Variants in MAPK10 observed in about 807,000 individuals in gnomAD.
The protein encoded by MAPK10 is mitogen-activated protein kinase 10.
MAPK10 carries 25 observed loss-of-function variants against 59.3 expected under a neutral mutation model. The ratio of observed to expected loss-of-function variants is 0.42; its 90% CI spans 0.31 to 0.59. MAPK10 has a LOEUF of 0.59. Ranked by LOEUF, MAPK10 falls within the 20% of genes least tolerant of loss-of-function variation. The pLI is 0.15. For missense variants in MAPK10, 351 were observed against 568.9 expected (o/e 0.62, Z 3.90); for synonymous variants, 190 against 200.5 (o/e 0.95, Z 0.44).
In MAPK10 at chr4:86,586,693, C is replaced by G. The variant is rs566723004; in HGVS notation, c.-263+7217G>C. ...GGGAAATGTTTTGGTTCGGGTAGAG[C>G]CTTGAAGCACCTGGAAAATCAAGTA... On this transcript the variant is annotated intron_variant, in intron 1 of 4. Coordinates refer to the MAPK10 transcript ENST00000502302. Among the ~76,000 whole-genome samples, 7 of 152,250 alleles carry G rather than the reference C, an allele frequency of 4.6e-5. No homozygotes were observed. In the South Asian group the frequency reaches 1.5e-3, roughly 32 times the overall value.
At chr4:86,018,493 G>A (rs1186444392) in intron 13 of MAPK10, among the ~76,000 whole-genome samples, 1 of 152,140 alleles carries the variant, frequency 6.6e-6, no homozygotes, top group Non-Finnish European at 1.5e-5. Flanking sequence ...TTGTTTATCT[G>A]TTATGCGGGA....
intron 1 of MAPK10, among the ~76,000 whole-genome samples, chr4:86,478,164 T>C (rs1170420872): frequency 1.3e-5 from 2 of 152,164 alleles, no homozygotes; most frequent in Non-Finnish European, 2.9e-5. Flanking sequence ...GGTTTTGCCA[T>C]AACAAAACCA....
intron 2 of MAPK10, among the ~76,000 whole-genome samples, chr4:86,210,514 C>T (rs183538021): frequency 0.011 from 1,605 of 151,918 alleles, 11 homozygotes; most frequent in Middle Eastern, 0.034. Context: ...TTTATAATTG[C>T]TTTATTTGTA....
chr4:86,126,501 T>C (rs1175675927), intron 4 of MAPK10, among the ~76,000 whole-genome samples: 2 of 152,072 alleles, frequency 1.3e-5, no homozygotes, highest in Admixed American at 6.6e-5. Context: ...CAAATGTTTA[T>C]TTCCAAAGCT....
intron 1 of MAPK10, among the ~76,000 whole-genome samples, chr4:86,460,471 T>C (rs1445916667): frequency 6.6e-6 from 1 of 152,124 alleles, no homozygotes; most frequent in Non-Finnish European, 1.5e-5. Context: ...ACCCGTCACA[T>C]GTAAAAATCA....
At chr4:86,264,888 C>CTTTTTTTTTTTT (rs397879051) in intron 2 of MAPK10, among the ~76,000 whole-genome samples, 4 of 95,274 alleles carry the variant, frequency 4.2e-5, no homozygotes, top group Non-Finnish European at 8.5e-5. Flanking sequence ...TGGCCCTGGA[C>CTTTTTTTTTTTT]TTTTTTTTTT....
intron 2 of MAPK10, among the ~76,000 whole-genome samples, chr4:86,297,421 T>C (rs1053919890): frequency 6.6e-6 from 1 of 152,146 alleles, no homozygotes; most frequent in African/African-American, 2.4e-5. Context: ...GCGATTCTCC[T>C]GCCTCAGCCT....
intron 11 of MAPK10, among the ~76,000 whole-genome samples, chr4:86,045,528 T>C (rs557775413): frequency 6.6e-6 from 1 of 152,198 alleles, no homozygotes; most frequent in African/African-American, 2.4e-5. Flanking sequence ...TCTATCCTCC[T>C]GCCTTCTAGC....
At chr4:86,460,927 G>C (rs1047705720) in intron 1 of MAPK10, among the ~76,000 whole-genome samples, 2 of 152,164 alleles carry the variant, frequency 1.3e-5, no homozygotes, top group African/African-American at 4.8e-5. Context: ...TCTGAAGGCT[G>C]TGAGACCCCT....
chr4:86,547,048 T>C (rs1759246133), intron 1 of MAPK10, among the ~76,000 whole-genome samples: 3 of 152,070 alleles, frequency 2.0e-5, no homozygotes, highest in Admixed American at 6.5e-5. Context: ...CGAGACTCCG[T>C]CTAAAAACAA....
At chr4:86,452,458 T>C (rs1750825618) in intron 1 of MAPK10, among the ~76,000 whole-genome samples, 1 of 152,114 alleles carries the variant, frequency 6.6e-6, no homozygotes, top group Non-Finnish European at 1.5e-5. Context: ...TCTCTCCCTC[T>C]TCCTTTTCTT....
chr4:86,537,960 A>T (rs1758373364), intron 1 of MAPK10, among the ~76,000 whole-genome samples: 1 of 152,074 alleles, frequency 6.6e-6, no homozygotes, highest in Admixed American at 6.5e-5. Flanking sequence ...TATCTTTCAC[A>T]GTTTAGTCTT....
intron 3 of MAPK10, among the ~76,000 whole-genome samples, chr4:86,186,225 T>C (rs1272008603): frequency 1.3e-5 from 2 of 152,086 alleles, no homozygotes; most frequent in African/African-American, 4.8e-5. Context: ...AGAGATCAAG[T>C]AACTTGCCCA....
At chr4:86,389,556 G>C (rs1362112776) in intron 1 of MAPK10, among the ~76,000 whole-genome samples, 1 of 152,144 alleles carries the variant, frequency 6.6e-6, no homozygotes, top group Non-Finnish European at 1.5e-5. Context: ...TTTACTGACT[G>C]TTACTGTGAT....
rs1580380953 is a variant in MAPK10, at chr4:86,108,328, C to T, written c.237-976G>A. On this transcript the variant is annotated intron_variant, in intron 4 of 13. Coordinates refer to ENST00000641462, the MANE Select transcript of MAPK10 (RefSeq NM_138982.4). ...TTGCCATTATACCTAATGATGCACT[C>T]ACAAAATATGTGACCCATCCCTGAA... 2.6e-5 allele frequency among the ~76,000 whole-genome samples: 4 copies of T among 152,108 alleles called. No individual in the cohort carries two copies. The South Asian group carries it at 8.3e-4, about 32-fold the overall frequency.
At chr4:86,068,584 A>C (rs1309858667) in intron 9 of MAPK10, among the ~76,000 whole-genome samples, 1 of 152,170 alleles carries the variant, frequency 6.6e-6, no homozygotes, top group African/African-American at 2.4e-5. Context: ...CTATTGTTTT[A>C]CTGATGATAT....
chr4:86,028,244 A>ACTCCTGTGATT (rs1323972359), intron 13 of MAPK10: 1 of 151,980 alleles, frequency 6.6e-6, no homozygotes, highest in African/African-American at 2.4e-5. Context: ...ATGGAAAACA[A>ACTCCTGTGATT]CTCCTGTGAT....
intron 1 of MAPK10, among the ~76,000 whole-genome samples, chr4:86,560,274 G>A (rs1760574790): frequency 1.3e-5 from 2 of 152,154 alleles, no homozygotes; most frequent in African/African-American, 4.8e-5. Flanking sequence ...AGACTCGTTA[G>A]CAAACCTCAA....
chr4:86,444,110 T>C lies in MAPK10; in HGVS notation c.-122+8920A>G, dbSNP rs141470310. 6.1e-3 allele frequency among the ~76,000 whole-genome samples: 916 copies of C among 150,436 alleles called. 7 individuals are homozygous for C. Among genetic ancestry groups the C allele is most frequent in the African/African-American group, 0.02 (817 of 41,100 alleles). ...CAACAACTACAAAAGGTGTAATATA[T>C]GCATAATGAAAATACCAGAATAAGA... On this transcript the variant is annotated intron_variant, in intron 1 of 13. Transcript: ENST00000361569.
Sources: allele counts gnomAD v4.1 joint callset (sites outside exome capture counted in the v4.1 genomes callset), GRCh38; gene constraint gnomAD v4.1.1; transcripts MANE v1.5; gene names NCBI Gene and HGNC (gene_info 2026-07-23, HGNC 2026-07-21).